The following ANKS1A variants were observed in gnomAD, a reference collection of about 807,000 sequenced individuals.
The protein encoded by ANKS1A is ankyrin repeat and sterile alpha motif domain containing 1A, also known as ankyrin repeat and SAM domain-containing protein 1A.
A neutral mutation model predicts 120.3 loss-of-function variants in ANKS1A; 55 were observed. The observed-to-expected ratio is 0.46, with a 90% CI of 0.37 to 0.57. The LOEUF is 0.57. Ranked by LOEUF, ANKS1A falls within the 20% of genes least tolerant of loss-of-function variation. ANKS1A has a pLI of 0.00. For synonymous variants in ANKS1A, 590 were observed against 604.7 expected (o/e 0.98, Z 0.36); for missense variants, 1,123 against 1,480.3 (o/e 0.76, Z 3.96).
At chr6:35,018,659 C>A (rs961543195) in intron 11 of ANKS1A, among the ~76,000 whole-genome samples, 32 of 151,900 alleles carry the variant, frequency 2.1e-4, no homozygotes, top group Non-Finnish European at 2.6e-4. Flanking sequence ...AGACATAGTA[C>A]CCAATAGTTA....
chr6:34,929,829 T>TTCTC (rs1768897572), intron 1 of ANKS1A, among the ~76,000 whole-genome samples: 2 of 148,488 alleles, frequency 1.3e-5, no homozygotes, highest in African/African-American at 5.0e-5. Context: ...TTCTCTTTCT[T>TTCTC]TCTTTCTCTC....
chr6:35,089,996 A>AGT lies in ANKS1A; in HGVS notation c.*1388_*1389dup. On this transcript the variant is annotated 3_prime_UTR_variant, in exon 24 of 24. Transcript: ENST00000360359. Reference sequence around the variant, plus strand: ...TCTTTGTTGGTATGTATGTGCAGGGAGTACTGTTAGGCACATTCTTAACCC... The same window carrying AGT: ...TCTTTGTTGGTATGTATGTGCAGGGAGTGTACTGTTAGGCACATTCTTAACCC... 3.3e-6 allele frequency: 4 copies of AGT among 1,195,152 alleles called. No homozygotes were observed. Among genetic ancestry groups the AGT allele is most frequent in the Non-Finnish European group, 4.2e-6 (4 of 943,280 alleles). The allele number at this position is 1,195,152 out of a possible 1,614,324, so 74.0% of individuals were successfully genotyped here.
chr6:35,092,853 T>A (rs1452395461), downstream of ANKS1A, among the ~76,000 whole-genome samples: 1 of 152,146 alleles, frequency 6.6e-6, no homozygotes, highest in Non-Finnish European at 1.5e-5. Flanking sequence ...ATGCTCAGGC[T>A]CCTAGACAGC....
chr6:34,899,484 TA>T (rs774411353), intron 1 of ANKS1A, among the ~76,000 whole-genome samples: 15 of 147,628 alleles, frequency 1.0e-4, no homozygotes, highest in Middle Eastern at 3.2e-3. Flanking sequence ...CAGTTTCTAT[TA>T]AAAAAAAAAG....
At chr6:35,027,528 T>TAAGC (rs1774689398) in intron 11 of ANKS1A, among the ~76,000 whole-genome samples, 6 of 152,188 alleles carry the variant, frequency 3.9e-5, no homozygotes, top group African/African-American at 1.4e-4. Context: ...TGTTTAGAGA[T>TAAGC]ATGCTGTGTG....
At chr6:34,891,252 T>C (rs1332656116) in intron 1 of ANKS1A, among the ~76,000 whole-genome samples, 1 of 152,160 alleles carries the variant, frequency 6.6e-6, no homozygotes, top group Non-Finnish European at 1.5e-5. Context: ...TATTTGGTGC[T>C]CCTTAGGCAA....
chr6:35,043,488 T>C (rs1286040526), intron 11 of ANKS1A, among the ~76,000 whole-genome samples: 1 of 152,162 alleles, frequency 6.6e-6, no homozygotes, highest in African/African-American at 2.4e-5. Context: ...CTCTGGGAGT[T>C]GACTTATTTG....
chr6:35,016,640 A>T (rs1774018975), intron 10 of ANKS1A, among the ~76,000 whole-genome samples: 1 of 152,124 alleles, frequency 6.6e-6, no homozygotes, highest in Non-Finnish European at 1.5e-5. Context: ...GTCTCGAGAG[A>T]ACTGCAAATG....
At chr6:35,093,037 C>T (rs768274704), downstream of ANKS1A, among the ~76,000 whole-genome samples, 3 of 152,120 alleles carry the variant, frequency 2.0e-5, no homozygotes, top group Admixed American at 6.6e-5. Context: ...TAAATAGGGA[C>T]AGGCCGACTA....
chr6:35,033,939 G>A (rs1188529878), intron 11 of ANKS1A, among the ~76,000 whole-genome samples: 1 of 152,134 alleles, frequency 6.6e-6, no homozygotes, highest in African/African-American at 2.4e-5. Context: ...AGTCATCAGT[G>A]GTGTTAACAC....
intron 1 of ANKS1A, among the ~76,000 whole-genome samples, chr6:34,937,806 C>CATGCCAGAGTCT: frequency 6.6e-6 from 1 of 152,178 alleles, no homozygotes. Context: ...AATAATCAGA[C>CATGCCAGAGTCT]TCTGGCATTA....
intron 9 of ANKS1A, among the ~76,000 whole-genome samples, chr6:34,991,569 C>T (rs937646158): frequency 5.5e-5 from 4 of 72,218 alleles, no homozygotes; most frequent in Admixed American, 1.6e-4. Flanking sequence ...CACACACACA[C>T]ACACACACAC....
chr6:34,900,009 T>A (rs1767270005), intron 1 of ANKS1A, among the ~76,000 whole-genome samples: 1 of 152,244 alleles, frequency 6.6e-6, no homozygotes, highest in African/African-American at 2.4e-5. Context: ...GTATTTGGGA[T>A]GGGTGGGATG....
intron 10 of ANKS1A, among the ~76,000 whole-genome samples, chr6:35,007,376 A>G (rs553869906): frequency 3.3e-5 from 5 of 152,324 alleles, no homozygotes; most frequent in Admixed American, 2.6e-4. Flanking sequence ...ATGTGATTTT[A>G]TGGTAGTTTT....
intron 1 of ANKS1A, among the ~76,000 whole-genome samples, chr6:34,922,961 G>A (rs1003296796): frequency 6.6e-6 from 1 of 152,130 alleles, no homozygotes; most frequent in African/African-American, 2.4e-5. Flanking sequence ...AAAGTGCTGG[G>A]ATTACAGGTG....
intron 13 of ANKS1A, among the ~76,000 whole-genome samples, chr6:35,077,797 C>T (rs1400959025): frequency 2.0e-5 from 3 of 152,178 alleles, no homozygotes; most frequent in South Asian, 2.1e-4. Context: ...GTTAGATTAA[C>T]GGGATTAACA....
intron 11 of ANKS1A, 77 bp from the exon 12 acceptor site, chr6:35,054,022 C>A: frequency 8.2e-7 from 1 of 1,216,594 alleles, no homozygotes; most frequent in Non-Finnish European, 1.2e-6. Context: ...GGTCAGACCC[C>A]ACTGGCGCTG....
chr6:35,022,956 G>T (rs912935166), intron 11 of ANKS1A, among the ~76,000 whole-genome samples: 17 of 152,188 alleles, frequency 1.1e-4, no homozygotes, highest in Non-Finnish European at 2.5e-4. Context: ...TGGTTAGTTT[G>T]TTGTTGTTGA....
At chr6:35,049,043 G>A (rs967899220) in intron 11 of ANKS1A, among the ~76,000 whole-genome samples, 12 of 152,248 alleles carry the variant, frequency 7.9e-5, no homozygotes, top group Middle Eastern at 6.3e-3. Context: ...GAGAGCTTCA[G>A]TTTCCTCACC....
Sources: gnomAD v4.1 joint callset for allele counts (sites outside exome capture counted in the v4.1 genomes callset) on GRCh38, gnomAD v4.1.1 for gene constraint, MANE v1.5 for transcripts, NCBI Gene and HGNC (gene_info 2026-07-23, HGNC 2026-07-21) for gene names.